Variants in CADM2 observed in about 807,000 individuals in gnomAD.
CADM2 encodes the protein cell adhesion molecule 2.
In CADM2, 12 loss-of-function variants were observed where a neutral mutation model predicts 49.8. That is an observed-to-expected ratio of 0.24 (90% CI 0.15 to 0.39). CADM2 has a LOEUF of 0.39. CADM2 is among the 10% of genes least tolerant of loss of function. The probability of loss-of-function intolerance (pLI) is 1.00; values close to 1 mark genes in which losing one functional copy is unlikely to be tolerated. For synonymous variants in CADM2, 214 were observed against 175.4 expected, an observed-to-expected ratio of 1.22 and a Z score of -1.74; for missense variants, 378 against 492.3, an observed-to-expected ratio of 0.77 and a Z score of 2.20.
intron 1 of CADM2, among the ~76,000 whole-genome samples, chr3:85,524,704 C>A (rs936627173): frequency 4.6e-5 from 7 of 151,990 alleles, no homozygotes; most frequent in Non-Finnish European, 2.9e-5. Context: ...TTTTTTCTGT[C>A]AATTATTGGC....
At chr3:85,234,657 C>T (rs369761898) in intron 1 of CADM2, among the ~76,000 whole-genome samples, 2 of 152,056 alleles carry the variant, frequency 1.3e-5, no homozygotes, top group African/African-American at 2.4e-5. Flanking sequence ...AAAATAGACA[C>T]GTGGTAAATA....
intron 1 of CADM2, among the ~76,000 whole-genome samples, chr3:85,320,818 T>G (rs2107101303): frequency 6.6e-6 from 1 of 152,094 alleles, no homozygotes; most frequent in Admixed American, 6.6e-5. Context: ...TCCAGGATTT[T>G]ATCACATTGA....
chr3:85,157,869 G>A (rs1185535689), intron 1 of CADM2, among the ~76,000 whole-genome samples: 25 of 152,076 alleles, frequency 1.6e-4, no homozygotes, highest in African/African-American at 3.6e-4. Flanking sequence ...GAGCTTCTGC[G>A]CAGCAAAACA....
intron 1 of CADM2, among the ~76,000 whole-genome samples, chr3:85,138,656 G>A (rs2039488557): frequency 6.6e-6 from 1 of 152,178 alleles, no homozygotes; most frequent in African/African-American, 2.4e-5. Flanking sequence ...GTTGGCAAAT[G>A]CTATGTTTGA....
chr3:85,122,571 G>A (rs1168478341), intron 1 of CADM2, among the ~76,000 whole-genome samples: 46 of 152,016 alleles, frequency 3.0e-4, no homozygotes, highest in Non-Finnish European at 7.4e-5. Context: ...TATGAACCAT[G>A]ATTGGCTTTG....
intron 1 of CADM2, among the ~76,000 whole-genome samples, chr3:85,575,806 T>C (rs561374820): frequency 9.5e-4 from 144 of 152,228 alleles, no homozygotes; most frequent in Non-Finnish European, 1.7e-3. Context: ...ACAGATAGAT[T>C]TTAAAAGAGC....
chr3:85,953,709 G>GT (rs1039083095), intron 7 of CADM2, among the ~76,000 whole-genome samples: 1 of 150,812 alleles, frequency 6.6e-6, no homozygotes, highest in Non-Finnish European at 1.5e-5. Context: ...ATTTATTTTA[G>GT]TTTTTTATAC....
intron 3 of CADM2, among the ~76,000 whole-genome samples, chr3:85,878,530 T>G (rs1712255497): frequency 6.6e-6 from 1 of 152,076 alleles, no homozygotes; most frequent in Admixed American, 6.6e-5. Context: ...CCCAAATAAT[T>G]TTAAAATGTC....
rs775366513 is a variant in CADM2 at position 84,959,684 on chromosome 3, G to A, written c.61+16G>A. On this transcript the variant is annotated intron_variant, in intron 1 of 9. Transcript: ENST00000383699. Reference sequence around the variant, plus strand: ...CTGCTACAAGGTAATCCCCGCCCCGGCGCAGGGAACATCAACTTCTCGCCC... The same window carrying A: ...CTGCTACAAGGTAATCCCCGCCCCGACGCAGGGAACATCAACTTCTCGCCC... The A allele has an allele frequency of 1.3e-6, 2 of 1,536,514 alleles. No individual in the cohort carries two copies. Among genetic ancestry groups the A allele is most frequent in the South Asian group, 2.4e-5 (2 of 84,038 alleles).
At chr3:85,957,306 TTATTATATTTTTCCAATA>T (rs895054345) in intron 7 of CADM2, among the ~76,000 whole-genome samples, 5 of 151,824 alleles carry the variant, frequency 3.3e-5, no homozygotes, top group Admixed American at 1.3e-4. Context: ...ACGATACATA[TTATTATATTTTTCCAATA>T]TATTATATTT....
intron 1 of CADM2, among the ~76,000 whole-genome samples, chr3:85,175,807 T>C (rs1348738568): frequency 6.6e-6 from 1 of 151,678 alleles, no homozygotes; most frequent in Admixed American, 6.6e-5. Context: ...AATAATGAAG[T>C]ATTACAAGAA....
chr3:84,991,809 CACT>C (rs2032906389), intron 1 of CADM2, among the ~76,000 whole-genome samples: 1 of 152,112 alleles, frequency 6.6e-6, no homozygotes, highest in South Asian at 2.1e-4. Context: ...GCACATTATT[CACT>C]ACTAAGAAAC....
In CADM2 at chr3:85,707,028, G is replaced by A. The variant is rs567356375; in HGVS notation, c.62-19494G>A. Among the ~76,000 whole-genome samples, 6 of 152,112 alleles carry A rather than the reference G, an allele frequency of 3.9e-5. No individual in the cohort carries two copies. The East Asian group carries it at 5.8e-4, about 15-fold the overall frequency. ...GTCACCCAGGCTGGAGTGCAGTGGC[G>A]AAATCATGGCTCACTGCAACCTCAG... On this transcript the variant is annotated intron_variant, in intron 1 of 9. Transcript: ENST00000383699.
At chr3:85,679,569 T>C (rs2065981916) in intron 1 of CADM2, among the ~76,000 whole-genome samples, 2 of 152,286 alleles carry the variant, frequency 1.3e-5, no homozygotes, top group East Asian at 1.9e-4. Context: ...TGTGCATTTT[T>C]CCTAAGAATC....
At chr3:86,026,987 G>T (rs947161181) in intron 8 of CADM2, among the ~76,000 whole-genome samples, 1 of 152,008 alleles carries the variant, frequency 6.6e-6, no homozygotes, top group Non-Finnish European at 1.5e-5. Flanking sequence ...AATGGACTTT[G>T]ATTATTTTCA....
rs562429515 is a variant in CADM2, at chr3:86,066,995, C to G, written c.*212C>G. 166 of 526,212 alleles carry G rather than the reference C, an allele frequency of 3.2e-4. 1 individual carries two copies. The highest frequency in any genetic ancestry group is 8.9e-4 in the Middle Eastern group (2 of 2,254). 32.6% of individuals were successfully genotyped at this position (526,212 alleles called of 1,614,324 possible). A position where few individuals can be genotyped will look rare whatever the true frequency, so the allele number is the denominator to read the frequency against. Reference sequence around the variant, plus strand: ...CCATAATGCAGGACATTTCTTACTGCCTAAATTTCACACCATTGCTCTTTT... The same window carrying G: ...CCATAATGCAGGACATTTCTTACTGGCTAAATTTCACACCATTGCTCTTTT... On this transcript the variant is annotated 3_prime_UTR_variant, in exon 10 of 10. Transcript: ENST00000383699.
intron 8 of CADM2, among the ~76,000 whole-genome samples, chr3:86,032,634 T>C (rs968900494): frequency 2.0e-5 from 3 of 151,888 alleles, no homozygotes; most frequent in Non-Finnish European, 4.4e-5. Context: ...TGCAGGTTTA[T>C]TATTAGATAA....
intron 1 of CADM2, among the ~76,000 whole-genome samples, chr3:85,701,884 GAT>G: frequency 1.3e-5 from 2 of 150,876 alleles, no homozygotes; most frequent in African/African-American, 4.9e-5. Context: ...TAGATAGATA[GAT>G]AGATAGATAG....
At chr3:85,578,104 T>C (rs1303601714) in intron 1 of CADM2, among the ~76,000 whole-genome samples, 1 of 151,922 alleles carries the variant, frequency 6.6e-6, no homozygotes, top group East Asian at 1.9e-4. Flanking sequence ...AGGCAGAGTT[T>C]CACTCTTTCA....
Sources: allele counts gnomAD v4.1 joint callset (sites outside exome capture counted in the v4.1 genomes callset), GRCh38; gene constraint gnomAD v4.1.1; transcripts MANE v1.5; gene names NCBI Gene and HGNC (gene_info 2026-07-23, HGNC 2026-07-21).